The following PTGFR variants were observed in gnomAD, a reference collection of about 807,000 sequenced individuals.
PTGFR encodes the protein prostaglandin F2-alpha receptor.
A neutral mutation model predicts 26.2 loss-of-function variants in PTGFR; 15 were observed. That is an observed-to-expected ratio of 0.57 (90% confidence interval 0.38 to 0.88). The LOEUF (loss-of-function observed/expected upper bound fraction) is 0.88, where lower values mean the gene tolerates loss of function less well. PTGFR is among the 40% of genes least tolerant of loss of function. The probability of loss-of-function intolerance (pLI) is 0.00; values close to 1 mark genes in which losing one functional copy is unlikely to be tolerated. For synonymous variants in PTGFR, 165 were observed against 151.1 expected, an observed-to-expected ratio of 1.09 and a Z score of -0.68; for missense variants, 369 against 427.2, an observed-to-expected ratio of 0.86 and a Z score of 1.20.
intron 2 of PTGFR, among the ~76,000 whole-genome samples, chr1:78,518,899 G>A (rs892416787): frequency 6.6e-6 from 1 of 152,036 alleles, no homozygotes; most frequent in African/African-American, 2.4e-5. Context: ...AAGAGACAGA[G>A]CACCGTAGCT....
chr1:78,496,826 A>G (rs1311613371), intron 2 of PTGFR, among the ~76,000 whole-genome samples: 1 of 152,140 alleles, frequency 6.6e-6, no homozygotes, highest in African/African-American at 2.4e-5. Flanking sequence ...TTTTCTGAGT[A>G]GTTTTGGGTC....
In PTGFR at chr1:78,537,673, TACAC is replaced by T. The variant is rs1322323635; in HGVS notation, c.*990_*993del. 1 of 152,162 alleles carries T rather than the reference TACAC, an allele frequency of 6.6e-6. No homozygotes were observed. The highest frequency in any genetic ancestry group is 1.9e-4 in the East Asian group (1 of 5,198). The allele number at this position is 152,162 out of a possible 1,614,324, so 9.4% of individuals were successfully genotyped here. A position where few individuals can be genotyped will look rare whatever the true frequency, so the allele number is the denominator to read the frequency against. ...AGTGTGTTTCTTCTTTACACACATATACACACAGACATCAGAAAATTCTGTTGAG... is the reference window on the plus strand; with the variant it reads ...AGTGTGTTTCTTCTTTACACACATATACAGACATCAGAAAATTCTGTTGAG... On this transcript the variant is annotated 3_prime_UTR_variant, in exon 3 of 3. Coordinates refer to ENST00000370757, the MANE Select transcript of PTGFR (RefSeq NM_000959.4).
rs1382211884 is a variant in PTGFR, at chr1:78,538,108, A to C, written c.*1421A>C. ...AACCAGAAGACCTTTCAGATGGTTT[A>C]TTTGCTTTCAGCAGAGAATTTATTT... On this transcript the variant is annotated 3_prime_UTR_variant, in exon 3 of 3. Coordinates refer to ENST00000370757, the MANE Select transcript of PTGFR (RefSeq NM_000959.4). The C allele has an allele frequency of 1.3e-5, 2 of 152,118 alleles. No individual in the cohort carries two copies. Among genetic ancestry groups the C allele is most frequent in the East Asian group, 3.8e-4 (2 of 5,198 alleles). 9.4% of individuals were successfully genotyped at this position (152,118 alleles called of 1,614,324 possible). A position where few individuals can be genotyped will look rare whatever the true frequency, so the allele number is the denominator to read the frequency against.
At chr1:78,516,676 A>C (rs1229755707) in intron 2 of PTGFR, among the ~76,000 whole-genome samples, 2 of 152,234 alleles carry the variant, frequency 1.3e-5, no homozygotes, top group Non-Finnish European at 2.9e-5. Flanking sequence ...AAATTTTAGA[A>C]TTCAAAATTT....
rs747995888 is a variant in PTGFR, at chr1:78,493,262, A to G, written c.519A>G (p.Gly173=). 5.0e-6 allele frequency: 8 copies of G among 1,614,180 alleles called. No individual in the cohort carries two copies. In the South Asian group the frequency reaches 8.8e-5, roughly 18 times the overall value. ...AVFIALLPIL[G]HRDYKIQASR... is the part of the protein sequence containing the mutation. ...TCATAGCTTTGCTGCCCATCCTTGG[A>G]CATCGAGACTATAAAATTCAGGCGT... The change falls in exon 2 of 3, where the codon GGA becomes GGG. Residue 173 remains glycine (G), a synonymous_variant. Transcript: ENST00000370757.
chr1:78,531,115 G>T (rs975739158), intron 2 of PTGFR, among the ~76,000 whole-genome samples: 1 of 152,130 alleles, frequency 6.6e-6, no homozygotes, highest in Non-Finnish European at 1.5e-5. Flanking sequence ...GTGGCTGGAG[G>T]TTTGAGATAC....
In PTGFR at chr1:78,491,255, C is replaced by T. The variant is rs1649387635; in HGVS notation, c.-73+19C>T. 6.6e-6 allele frequency: 1 copy of T among 152,338 alleles called. No homozygotes were observed. Among genetic ancestry groups the T allele is most frequent in the African/African-American group, 2.4e-5 (1 of 41,464 alleles). 9.4% of individuals were successfully genotyped at this position (152,338 alleles called of 1,614,324 possible). A position where few individuals can be genotyped will look rare whatever the true frequency, so the allele number is the denominator to read the frequency against. On this transcript the variant is annotated intron_variant, in intron 1 of 2. Transcript: ENST00000370757. ...TGACAAGGTACCATCCCTCCAGAGG[C>T]TGATCCCAATGCATCGGCTTCGCTT...
intron 2 of PTGFR, among the ~76,000 whole-genome samples, chr1:78,528,748 A>G (rs1650435612): frequency 6.6e-6 from 1 of 152,146 alleles, no homozygotes; most frequent in Non-Finnish European, 1.5e-5. Flanking sequence ...ACATTCCAGT[A>G]AAGAGATAGG....
intron 2 of PTGFR, among the ~76,000 whole-genome samples, chr1:78,522,408 G>T (rs552216146): frequency 2.2e-4 from 33 of 151,966 alleles, no homozygotes; most frequent in Non-Finnish European, 4.3e-4. Context: ...ATATTCACAG[G>T]TTCCAGGGCC....
chr1:78,506,419 T>G (rs377111290), intron 2 of PTGFR, among the ~76,000 whole-genome samples: 4 of 152,170 alleles, frequency 2.6e-5, no homozygotes, highest in African/African-American at 9.6e-5. Flanking sequence ...TTCTTTTACT[T>G]TTAATATTAG....
Position 78,512,672 on chromosome 1 carries a change from C to CA in PTGFR, c.798+19132dup, listed in dbSNP as rs1463325725. On this transcript the variant is annotated intron_variant, in intron 2 of 2. Coordinates refer to ENST00000370757, the MANE Select transcript of PTGFR (RefSeq NM_000959.4). ...ACCTTTCTCCAGCCCCTACCCCCAA[C>CA]ATTGGGTGATATGGTTCAGATGTTT... Among the ~76,000 whole-genome samples, 4 of 152,324 alleles carry CA rather than the reference C, an allele frequency of 2.6e-5. No individual in the cohort carries two copies. In the South Asian group the frequency reaches 6.2e-4, roughly 24 times the overall value.
chr1:78,491,484 CA>C (rs1451889708), intron 1 of PTGFR, among the ~76,000 whole-genome samples: 2 of 152,220 alleles, frequency 1.3e-5, no homozygotes, highest in African/African-American at 2.4e-5. Flanking sequence ...GAAATCGGCA[CA>C]GATTCCGCTT....
At chr1:78,518,961 G>A (rs1187423938) in intron 2 of PTGFR, among the ~76,000 whole-genome samples, 1 of 152,142 alleles carries the variant, frequency 6.6e-6, no homozygotes, top group African/African-American at 2.4e-5. Flanking sequence ...CTACTCTTCA[G>A]CTTCTGTTAC....
At chr1:78,510,234 A>G (rs1457446182) in intron 2 of PTGFR, among the ~76,000 whole-genome samples, 1 of 152,176 alleles carries the variant, frequency 6.6e-6, no homozygotes, top group Non-Finnish European at 1.5e-5. Flanking sequence ...GCATTTTTGC[A>G]TGACTAGAAA....
At chr1:78,510,385 G>A (rs1649935405) in intron 2 of PTGFR, among the ~76,000 whole-genome samples, 1 of 152,162 alleles carries the variant, frequency 6.6e-6, no homozygotes, top group South Asian at 2.1e-4. Flanking sequence ...GGCAGGAGGT[G>A]AAGTGGGAAC....
chr1:78,521,202 T>C (rs2100385051), intron 2 of PTGFR, among the ~76,000 whole-genome samples: 1 of 152,228 alleles, frequency 6.6e-6, no homozygotes, highest in African/African-American at 2.4e-5. Context: ...ATTACATTCC[T>C]TTTCCCCCGA....
intron 2 of PTGFR, among the ~76,000 whole-genome samples, chr1:78,516,766 G>T (rs896888747): frequency 4.5e-4 from 69 of 151,844 alleles, no homozygotes; most frequent in African/African-American, 1.3e-3. Flanking sequence ...TTTCCTTTGA[G>T]AAGTCGTTTT....
chr1:78,504,916 AT>A, intron 2 of PTGFR, among the ~76,000 whole-genome samples: 1 of 152,186 alleles, frequency 6.6e-6, no homozygotes, highest in East Asian at 1.9e-4. Context: ...TTTATGTACA[AT>A]TAGTATTAGC....
At chr1:78,505,353 C>T (rs1180242105) in intron 2 of PTGFR, among the ~76,000 whole-genome samples, 5 of 152,054 alleles carry the variant, frequency 3.3e-5, no homozygotes, top group African/African-American at 1.2e-4. Context: ...AAACTCCTGA[C>T]CTCAGGTGAT....
Sources: allele counts gnomAD v4.1 joint callset (sites outside exome capture counted in the v4.1 genomes callset), GRCh38; gene constraint gnomAD v4.1.1; transcripts MANE v1.5; gene names NCBI Gene and HGNC (gene_info 2026-07-23, HGNC 2026-07-21).